HECW1: variants seen among roughly 807,000 people sequenced by gnomAD.
The protein encoded by HECW1 is HECT, C2 and WW domain containing E3 ubiquitin protein ligase 1, also known as E3 ubiquitin-protein ligase HECW1.
In HECW1, 61 loss-of-function variants were observed where a neutral mutation model predicts 182.3. The ratio of observed to expected loss-of-function variants is 0.33; its 90% CI spans 0.27 to 0.41. The LOEUF is 0.41. Ranked by LOEUF, HECW1 falls within the 10% of genes least tolerant of loss-of-function variation. The pLI is 1.00. For missense variants in HECW1, 1,739 were observed against 2,108.9 expected (o/e 0.82, Z 3.44); for synonymous variants, 859 against 832.6 (o/e 1.03, Z -0.55).
chr7:43,301,619 G>A (rs1302852552), intron 3 of HECW1, among the ~76,000 whole-genome samples: 1 of 152,228 alleles, frequency 6.6e-6, no homozygotes, highest in Non-Finnish European at 1.5e-5. Context: ...GCTCACGCCT[G>A]TAATTCCAGC....
At chr7:43,173,695 C>T (rs146057292) in intron 2 of HECW1, among the ~76,000 whole-genome samples, 34 of 152,338 alleles carry the variant, frequency 2.2e-4, no homozygotes, top group African/African-American at 7.9e-4. Context: ...AATGCTTTCT[C>T]ACCTGCAGCT....
chr7:43,122,607 T>C (rs1272100750), intron 2 of HECW1, among the ~76,000 whole-genome samples: 1 of 152,212 alleles, frequency 6.6e-6, no homozygotes, highest in Non-Finnish European at 1.5e-5. Flanking sequence ...AAGTAAAATT[T>C]ATCTTTCTTA....
rs1257385768 is a variant in HECW1, at chr7:43,481,047, A to C, written c.3234+1303A>C. On this transcript the variant is annotated intron_variant, in intron 17 of 29. Transcript: ENST00000395891. ...GTATCATTGTTTCAGGAGACTGCTG[A>C]AAGCATGCTAAATCTTTCTTTCTTC... 2.0e-5 allele frequency among the ~76,000 whole-genome samples: 3 copies of C among 152,218 alleles called. No homozygotes were observed. In the East Asian group the frequency reaches 5.8e-4, roughly 29 times the overall value.
At chr7:43,218,195 C>A (rs1010027235) in intron 2 of HECW1, among the ~76,000 whole-genome samples, 2 of 152,178 alleles carry the variant, frequency 1.3e-5, no homozygotes, top group Non-Finnish European at 2.9e-5. Flanking sequence ...CAATGCTGGG[C>A]CATTCAGTGT....
intron 24 of HECW1, among the ~76,000 whole-genome samples, chr7:43,532,050 T>C (rs570497354): frequency 3.0e-4 from 45 of 152,148 alleles, no homozygotes; most frequent in Non-Finnish European, 5.0e-4. Context: ...CAGATATAAA[T>C]AGGCAGCACA....
At chr7:43,277,040 C>T (rs964475882) in intron 3 of HECW1, among the ~76,000 whole-genome samples, 1 of 152,216 alleles carries the variant, frequency 6.6e-6, no homozygotes, top group African/African-American at 2.4e-5. Flanking sequence ...TTTCAGGATG[C>T]TCAGGGCTCT....
At chr7:43,534,999 A>T (rs1250844592) in intron 24 of HECW1, among the ~76,000 whole-genome samples, 1 of 152,186 alleles carries the variant, frequency 6.6e-6, no homozygotes, top group East Asian at 1.9e-4. Context: ...GCTGTCCTAT[A>T]CAGTAGGTGC....
intron 6 of HECW1, among the ~76,000 whole-genome samples, chr7:43,384,783 G>A (rs536212602): frequency 6.6e-6 from 1 of 152,274 alleles, no homozygotes; most frequent in African/African-American, 2.4e-5. Context: ...GTGGGTGGCT[G>A]GAAAGAGCTC....
At chr7:43,462,304 C>T (rs1001302799) in intron 13 of HECW1, among the ~76,000 whole-genome samples, 1 of 152,072 alleles carries the variant, frequency 6.6e-6, no homozygotes, top group Non-Finnish European at 1.5e-5. Context: ...CTCTCCACAG[C>T]TCCCAGCTCC....
At chr7:43,187,524 G>A (rs1562648859) in intron 2 of HECW1, among the ~76,000 whole-genome samples, 1 of 151,470 alleles carries the variant, frequency 6.6e-6, no homozygotes, top group East Asian at 1.9e-4. Flanking sequence ...TATTCTTTTA[G>A]ATACTATTAC....
In HECW1 at chr7:43,217,284, C is replaced by T. The variant is rs544815708; in HGVS notation, c.-31-26591C>T. Among the ~76,000 whole-genome samples the T allele has an allele frequency of 1.4e-4, 22 of 152,242 alleles. No individual in the cohort carries two copies. The South Asian group carries it at 4.1e-3, about 29-fold the overall frequency. Reference sequence around the variant, plus strand: ...TATGCTTGAGTTCTGACCCTGAACCCACTACTGTAAATTAAAATTGAGTCT... The same window carrying T: ...TATGCTTGAGTTCTGACCCTGAACCTACTACTGTAAATTAAAATTGAGTCT... On this transcript the variant is annotated intron_variant, in intron 2 of 29. Transcript: ENST00000395891.
intron 2 of HECW1, among the ~76,000 whole-genome samples, chr7:43,117,237 CTGAG>C (rs1452643147): frequency 6.6e-6 from 1 of 152,188 alleles, no homozygotes; most frequent in East Asian, 1.9e-4. Flanking sequence ...ATTCTCACCA[CTGAG>C]TATGTTTCAC....
chr7:43,325,708 T>C (rs1314479711), intron 5 of HECW1, among the ~76,000 whole-genome samples: 3 of 152,144 alleles, frequency 2.0e-5, no homozygotes, highest in Non-Finnish European at 4.4e-5. Flanking sequence ...CCTCCGTGCC[T>C]TGCCCTAGTG....
Position 43,501,247 on chromosome 7 carries a change from C to T in HECW1, c.3556C>T (p.Leu1186=). 6.2e-7 allele frequency: 1 copy of T among 1,604,724 alleles called. No individual in the cohort carries two copies. Residue 1186 remains leucine (L), a synonymous_variant, in exon 21 of 30, where the codon CTG becomes TTG. Coordinates refer to ENST00000395891, the MANE Select transcript of HECW1 (RefSeq NM_015052.5). ...FEEEIMSYVP[L]QAAFHPGYSF... ...AGAAGAGATTATGTCCTACGTCCCC[C>T]TGCAGGCTGCCTTCCACCCTGGGTA...
In HECW1 at chr7:43,541,185, C is replaced by G. The variant is rs764274513; in HGVS notation, c.4042C>G (p.Leu1348Val). The G allele has an allele frequency of 6.2e-7, 1 of 1,614,026 alleles. No individual in the cohort carries two copies. Among genetic ancestry groups the G allele is most frequent in the Non-Finnish European group, 8.5e-7 (1 of 1,179,988 alleles). Residue 1348 changes from leucine (L) to valine (V), a missense_variant, in exon 25 of 30, where the codon CTG (leucine) becomes GTG (valine). Leu to Val is a conservative substitution (Grantham distance 32). This residue lies in a region of HECW1 where 420 missense variants were observed against 595.7 expected (regional missense o/e 0.71). Transcript: ENST00000395891. ...LEWFRFSGRILGLALIHQYLL... is the reference protein window; with the variant it reads ...LEWFRFSGRIVGLALIHQYLL... ...CAGGTTCAGGTTTAGCGGTCGCATC[C>G]TGGGTCTGGCTCTGATCCATCAGTA...
chr7:43,169,597 A>C (rs569707619), intron 2 of HECW1, among the ~76,000 whole-genome samples: 2 of 152,150 alleles, frequency 1.3e-5, no homozygotes, highest in Non-Finnish European at 2.9e-5. Context: ...ATATGCTAGT[A>C]CTTTGCTCTT....
intron 2 of HECW1, among the ~76,000 whole-genome samples, chr7:43,181,283 G>A (rs1289779067): frequency 6.6e-6 from 1 of 150,874 alleles, no homozygotes; most frequent in Non-Finnish European, 1.5e-5. Context: ...CTTGGCTGTT[G>A]TGAATACTGC....
At chr7:43,435,339 C>A (rs575216111) in intron 8 of HECW1, among the ~76,000 whole-genome samples, 1 of 152,054 alleles carries the variant, frequency 6.6e-6, no homozygotes. Flanking sequence ...CTTAGGAAGG[C>A]CTTTTTAGAG....
At chr7:43,515,310 T>C (rs2080091333) in intron 24 of HECW1, among the ~76,000 whole-genome samples, 1 of 152,108 alleles carries the variant, frequency 6.6e-6, no homozygotes, top group Admixed American at 6.5e-5. Flanking sequence ...GGCATTTCAT[T>C]AGTAAAGGAA....
Sources: allele counts gnomAD v4.1 joint callset (sites outside exome capture counted in the v4.1 genomes callset), GRCh38; gene constraint gnomAD v4.1.1; regional missense constraint gnomAD v4.1.1; transcripts MANE v1.5; gene names NCBI Gene and HGNC (gene_info 2026-07-23, HGNC 2026-07-21).